Variants in ZMIZ1 observed in about 807,000 individuals in gnomAD.
The protein encoded by ZMIZ1 is zinc finger MIZ domain-containing protein 1.
ZMIZ1 carries 17 observed loss-of-function variants against 113.9 expected under a neutral mutation model. That is an observed-to-expected ratio of 0.15 (90% CI 0.10 to 0.22). The LOEUF is 0.22. Among genes scored for constraint, ZMIZ1 ranks in the 10% least tolerant of loss-of-function variants. The pLI, the probability that ZMIZ1 is intolerant of heterozygous loss-of-function variation, is 1.00. For missense variants in ZMIZ1, 1,059 were observed against 1,477.8 expected, an observed-to-expected ratio of 0.72 and a Z score of 4.65; for synonymous variants, 607 against 603.1, an observed-to-expected ratio of 1.01 and a Z score of -0.09.
At chr10:79,297,775 TGGACATTCAAAG>T in intron 14 of ZMIZ1, 85 bp downstream of exon 14, 1 of 1,271,048 alleles carries the variant, frequency 7.9e-7, no homozygotes, top group Non-Finnish European at 1.1e-6. Context: ...CCAGCCTCTC[TGGACATTCAAAG>T]GGGCCCATGG....
intron 4 of ZMIZ1, among the ~76,000 whole-genome samples, chr10:79,165,148 G>A (rs535253007): frequency 2.0e-5 from 3 of 152,208 alleles, no homozygotes; most frequent in Non-Finnish European, 4.4e-5. Context: ...ATGCTGGTCT[G>A]TCTGGTGTAA....
At chr10:79,186,840 G>C (rs917761250) in intron 4 of ZMIZ1, among the ~76,000 whole-genome samples, 3 of 152,224 alleles carry the variant, frequency 2.0e-5, no homozygotes, top group Non-Finnish European at 4.4e-5. Context: ...CTGGTCAAAG[G>C]GGCACTGAGC....
chr10:79,269,211 G>A (rs1434192623), intron 7 of ZMIZ1, among the ~76,000 whole-genome samples: 1 of 152,138 alleles, frequency 6.6e-6, no homozygotes, highest in Non-Finnish European at 1.5e-5. Context: ...TGCTACTTCA[G>A]AGGGTCTTGT....
chr10:79,279,054 CG>C (rs1207221390), intron 8 of ZMIZ1, among the ~76,000 whole-genome samples: 2 of 145,470 alleles, frequency 1.4e-5, no homozygotes, highest in Non-Finnish European at 3.0e-5. Flanking sequence ...GGGCGGCGGC[CG>C]GGCGGGGGCT....
chr10:79,172,137 A>G (rs903666241), intron 4 of ZMIZ1, among the ~76,000 whole-genome samples: 1 of 152,122 alleles, frequency 6.6e-6, no homozygotes, highest in African/African-American at 2.4e-5. Flanking sequence ...GCTCAGCCTC[A>G]TTCACTGGAA....
chr10:79,258,789 A>T (rs112879485), intron 7 of ZMIZ1, among the ~76,000 whole-genome samples: 1 of 152,174 alleles, frequency 6.6e-6, no homozygotes, highest in South Asian at 2.1e-4. Context: ...CCTGATGCTG[A>T]GCCCAAGGCC....
chr10:79,093,870 G>A (rs559870892), intron 1 of ZMIZ1, among the ~76,000 whole-genome samples: 1 of 152,286 alleles, frequency 6.6e-6, no homozygotes, highest in South Asian at 2.1e-4. Context: ...GGGTGCAGAG[G>A]ACTTTGTGTA....
chr10:79,154,752 A>G (rs1317075232), intron 3 of ZMIZ1, among the ~76,000 whole-genome samples: 1 of 152,130 alleles, frequency 6.6e-6, no homozygotes, highest in Non-Finnish European at 1.5e-5. Context: ...AGGTGGTTCT[A>G]CGAAGCCCAG....
rs1478668849 is a variant in ZMIZ1 at position 79,315,404 on chromosome 10, C to T, written c.*2655C>T. 6.5e-6 allele frequency: 1 copy of T among 152,828 alleles called. No homozygotes were observed. The highest frequency in any genetic ancestry group is 1.5e-5 in the Non-Finnish European group (1 of 68,086). 9.5% of individuals were successfully genotyped at this position (152,828 alleles called of 1,614,324 possible). A position where few individuals can be genotyped will look rare whatever the true frequency, so the allele number is the denominator to read the frequency against. On this transcript the variant is annotated 3_prime_UTR_variant, in exon 25 of 25. Coordinates refer to ENST00000334512, the MANE Select transcript of ZMIZ1 (RefSeq NM_020338.4). The stretch of plus-strand genomic sequence containing the variant: ...TGGAGAGATCCTTCCCTGATCCTTT[C>T]GGACGACTACTTGGAGCCATAAGTA...
At chr10:79,146,675 G>A (rs984373654) in intron 3 of ZMIZ1, among the ~76,000 whole-genome samples, 18 of 152,346 alleles carry the variant, frequency 1.2e-4, no homozygotes, top group African/African-American at 4.3e-4. Context: ...TGCCCTCTGG[G>A]TGGGGAGGGC....
chr10:79,195,052 AAGAAC>A (rs1261491118), intron 4 of ZMIZ1, among the ~76,000 whole-genome samples: 4 of 152,198 alleles, frequency 2.6e-5, no homozygotes, highest in African/African-American at 9.7e-5. Context: ...GCTGCCCTGG[AAGAAC>A]AGCTCCCGGG....
intron 17 of ZMIZ1, 27 bp downstream of exon 17, chr10:79,300,969 T>C (rs371967764): frequency 4.2e-5 from 68 of 1,603,422 alleles, no homozygotes; most frequent in Admixed American, 5.0e-5. Flanking sequence ...AGGGGCAGCG[T>C]TGGCACAGGC....
At chr10:79,208,974 G>A (rs1298916058) in intron 6 of ZMIZ1, among the ~76,000 whole-genome samples, 4 of 152,112 alleles carry the variant, frequency 2.6e-5, no homozygotes, top group Admixed American at 1.3e-4. Flanking sequence ...AGGCTTCACC[G>A]AGCCTGGTTT....
In ZMIZ1 at chr10:79,216,389, G is replaced by T. The variant is rs55810800; in HGVS notation, c.280+115G>T. On this transcript the variant is annotated intron_variant, in intron 7 of 24. Coordinates refer to ENST00000334512, the MANE Select transcript of ZMIZ1 (RefSeq NM_020338.4). Reference sequence around the variant, plus strand: ...TGGTGCCTCCATTTGTCTAGGTGTAGTGCGAACCCCTGAGGAAGAGCAACT... The same window carrying T: ...TGGTGCCTCCATTTGTCTAGGTGTATTGCGAACCCCTGAGGAAGAGCAACT... The T allele has an allele frequency of 9.2e-4, 807 of 874,716 alleles. 2 individuals are homozygous for T. The highest frequency in any genetic ancestry group is 1.1e-3 in the South Asian group (59 of 51,592). 54.2% of individuals were successfully genotyped at this position (874,716 alleles called of 1,614,324 possible). A position where few individuals can be genotyped will look rare whatever the true frequency, so the allele number is the denominator to read the frequency against.
chr10:79,299,030 A>G lies in ZMIZ1; in HGVS notation c.1667-20A>G, dbSNP rs374709854. On this transcript the variant is annotated intron_variant, in intron 15 of 24. Transcript: ENST00000334512. ...GGCAGCTGAGGCTTGTGGCTCACCC[A>G]CCTCCTCTCCTCGCCCCAGCCAACC... The G allele has an allele frequency of 2.1e-5, 34 of 1,592,678 alleles. No individual in the cohort carries two copies. The highest frequency in any genetic ancestry group is 2.8e-5 in the Non-Finnish European group (33 of 1,169,792).
intron 3 of ZMIZ1, among the ~76,000 whole-genome samples, chr10:79,154,259 G>A (rs1845817413): frequency 1.3e-5 from 2 of 152,056 alleles, no homozygotes; most frequent in African/African-American, 2.4e-5. Flanking sequence ...TTCTCTGTAG[G>A]GTGGCAGGCT....
At chr10:79,223,258 G>A (rs914969078) in intron 7 of ZMIZ1, among the ~76,000 whole-genome samples, 41 of 152,246 alleles carry the variant, frequency 2.7e-4, no homozygotes, top group African/African-American at 9.6e-4. Context: ...GGCAGGATTG[G>A]TGGGTGCAAA....
At chr10:79,174,387 G>A (rs1482951710) in intron 4 of ZMIZ1, among the ~76,000 whole-genome samples, 1 of 152,252 alleles carries the variant, frequency 6.6e-6, no homozygotes, top group Non-Finnish European at 1.5e-5. Context: ...GCTCCAAAGG[G>A]ATGAGTAGGA....
At chr10:79,259,296 G>A (rs1335549039) in intron 7 of ZMIZ1, among the ~76,000 whole-genome samples, 1 of 152,190 alleles carries the variant, frequency 6.6e-6, no homozygotes, top group Admixed American at 6.5e-5. Context: ...TGGAGGAGAA[G>A]AGAGAGGAGG....
Sources: allele counts gnomAD v4.1 joint callset (sites outside exome capture counted in the v4.1 genomes callset), GRCh38; gene constraint gnomAD v4.1.1; transcripts MANE v1.5; gene names NCBI Gene and HGNC (gene_info 2026-07-23, HGNC 2026-07-21).